Variants in CDC42BPB observed in about 807,000 individuals in gnomAD.
CDC42BPB encodes the protein serine/threonine-protein kinase MRCK beta.
In CDC42BPB, 37 loss-of-function variants were observed where a neutral mutation model predicts 214.9. That is an observed-to-expected ratio of 0.17 (90% confidence interval 0.13 to 0.23). The LOEUF is 0.23. Among genes scored for constraint, CDC42BPB ranks in the 10% least tolerant of loss-of-function variants. The probability of loss-of-function intolerance (pLI) is 1.00; values close to 1 mark genes in which losing one functional copy is unlikely to be tolerated. For synonymous variants in CDC42BPB, 931 were observed against 884.0 expected, an observed-to-expected ratio of 1.05 and a Z score of -0.94; for missense variants, 1,694 against 2,227.0, an observed-to-expected ratio of 0.76 and a Z score of 4.82.
At chr14:103,017,607 A>G (rs1013296139) in intron 1 of CDC42BPB, among the ~76,000 whole-genome samples, 6 of 152,124 alleles carry the variant, frequency 3.9e-5, no homozygotes, top group African/African-American at 7.2e-5. Flanking sequence ...TTTTCCTGCA[A>G]AGATCCACAA....
At position 102,973,852 on chromosome 14, in the gene CDC42BPB, G is replaced by T. The variant is rs542552570; in HGVS notation, c.1641+164C>A. ...CGCGGGGGCTGTGCAGCAGGCAGGC[G>T]TGGCAGGGGCCCCGGGGCCAGGCTT... On this transcript the variant is annotated intron_variant, in intron 12 of 36. Transcript: ENST00000361246. Among the ~76,000 whole-genome samples, 35 of 152,362 alleles carry T rather than the reference G, an allele frequency of 2.3e-4. 1 individual carries two copies. The South Asian group carries it at 7.0e-3, about 31-fold the overall frequency.
chr14:102,980,769 T>C lies in CDC42BPB; in HGVS notation c.1140+4A>G. 6.2e-7 allele frequency: 1 copy of C among 1,613,648 alleles called. No homozygotes were observed. Among genetic ancestry groups the C allele is most frequent in the Non-Finnish European group, 8.5e-7 (1 of 1,179,574 alleles). On this transcript the variant is annotated splice_donor_region_variant and intron_variant, in intron 8 of 36. Transcript: ENST00000361246. ...AACCCTGAGAACGGTGCTTTCACAC[T>C]CACCGTGTTTCTCAGCACGTCGTCA... is the stretch of plus-strand genomic sequence containing the variant.
intron 30 of CDC42BPB, among the ~76,000 whole-genome samples, chr14:102,942,175 C>T (rs143731496): frequency 1.3e-3 from 205 of 152,324 alleles, no homozygotes; most frequent in African/African-American, 4.7e-3. Flanking sequence ...GCTGAGGCAG[C>T]GGGACTGGCC....
At chr14:103,018,268 G>A (rs991335672) in intron 1 of CDC42BPB, among the ~76,000 whole-genome samples, 1 of 152,180 alleles carries the variant, frequency 6.6e-6, no homozygotes, top group Non-Finnish European at 1.5e-5. Flanking sequence ...CTGGGGGTTG[G>A]GGATCCCTGT....
At chr14:103,014,389 G>C (rs1886341886) in intron 1 of CDC42BPB, among the ~76,000 whole-genome samples, 1 of 151,366 alleles carries the variant, frequency 6.6e-6, no homozygotes, top group Admixed American at 6.6e-5. Flanking sequence ...TTTATGCTAG[G>C]TTTTTTTTTG....
chr14:102,978,464 G>A (rs1893855900), intron 8 of CDC42BPB: 1 of 335,052 alleles, frequency 3.0e-6, no homozygotes, highest in Non-Finnish European at 4.2e-6. Flanking sequence ...GGCACAGGCC[G>A]TCACCAGGTT....
Position 102,961,762 on chromosome 14 carries a change from C to T in CDC42BPB, c.2821+1299G>A, listed in dbSNP as rs141916564. Among the ~76,000 whole-genome samples, 1,253 of 152,270 alleles carry T rather than the reference C, an allele frequency of 8.2e-3. 19 individuals are homozygous for T. The highest frequency in any genetic ancestry group is 0.029 in the African/African-American group (1,205 of 41,546). On this transcript the variant is annotated intron_variant, in intron 20 of 36. Transcript: ENST00000361246. ...TTCTCCATGTTGGTCAGGCTGGTCT[C>T]GAACTCCAGACCTCAGGTGATCCGC...
intron 1 of CDC42BPB, among the ~76,000 whole-genome samples, chr14:103,013,735 C>G (rs1000018391): frequency 2.6e-5 from 4 of 152,244 alleles, no homozygotes; most frequent in African/African-American, 7.2e-5. Context: ...CCCCCAGAAG[C>G]TGAGCGTTCC....
At chr14:102,956,144 A>C (rs921853302) in intron 21 of CDC42BPB, 1 of 152,242 alleles carries the variant, frequency 6.6e-6, no homozygotes, top group Non-Finnish European at 1.5e-5. Context: ...TTGGTTAATT[A>C]ATCAAAGGGA....
Position 102,971,983 on chromosome 14 carries a change from A to C in CDC42BPB, c.1820T>G (p.Val607Gly). The C allele has an allele frequency of 6.2e-7, 1 of 1,613,846 alleles. No homozygotes were observed. Among genetic ancestry groups the C allele is most frequent in the East Asian group, 2.2e-5 (1 of 44,862 alleles). Residue 607 changes from valine (V) to glycine (G), a missense_variant, in exon 13 of 37, where the codon GTG becomes GGG. Val to Gly is a moderately radical substitution (Grantham distance 109). Transcript: ENST00000361246. ...CATGGCGTCCACCTTCTGCGTGGCC[A>C]CCTCCATCTCCTCCTCCTTGTCTCG... is the stretch of plus-strand genomic sequence containing the variant. ...QLRDKEEEME[V>G]ATQKVDAMRQ...
chr14:103,053,138 A>G (rs975497959), intron 1 of CDC42BPB, among the ~76,000 whole-genome samples: 12 of 151,936 alleles, frequency 7.9e-5, no homozygotes, highest in Non-Finnish European at 1.5e-4. Flanking sequence ...TCACGAGGTC[A>G]GGACTTTAAG....
chr14:102,975,634 CAG>C, intron 11 of CDC42BPB, 48 bp downstream of exon 11: 5 of 1,576,210 alleles, frequency 3.2e-6, no homozygotes, highest in Non-Finnish European at 4.4e-6. Flanking sequence ...CCTTTTAAGA[CAG>C]TAATGACCAA....
Position 103,057,038 on chromosome 14 carries a change from G to A in CDC42BPB, c.136C>T (p.Leu46=), listed in dbSNP as rs761737059. Residue 46 remains leucine, a synonymous_variant, in exon 1 of 37, where the codon CTG becomes TTG. Transcript: ENST00000361246. ...TCGGCCACGTACTTGTCGCGGCGCA[G>A]GGCCGAGTGGCTGCACTCGGTGTAC... is the stretch of plus-strand genomic sequence containing the variant. The part of the protein sequence containing the change: ...CLYTECSHSA[L]RRDKYVAEFL... 10 of 1,516,560 alleles carry A rather than the reference G, an allele frequency of 6.6e-6. No homozygotes were observed. Among genetic ancestry groups the A allele is most frequent in the Middle Eastern group, 1.7e-4 (1 of 5,900 alleles). 93.9% of individuals were successfully genotyped at this position (1,516,560 alleles called of 1,614,324 possible). A position where few individuals can be genotyped will look rare whatever the true frequency, so the allele number is the denominator to read the frequency against.
chr14:102,980,863 T>G lies in CDC42BPB; in HGVS notation c.1050A>C (p.Ile350=), dbSNP rs1415557983. 6.2e-7 allele frequency: 1 copy of G among 1,614,214 alleles called. No individual in the cohort carries two copies. Among genetic ancestry groups the G allele is most frequent in the Non-Finnish European group, 8.5e-7 (1 of 1,180,042 alleles). ...AFFEGLNWEN[I]RNLEAPYIPD... ...GAATATAAGGTGCTTCTAGGTTTCG[T>G]ATATTTTCCCAATTTAGACCTTCAA... is the stretch of plus-strand genomic sequence containing the variant. The change falls in exon 8 of 37, where the codon ATA becomes ATC. Residue 350 remains isoleucine (I), a synonymous_variant. Coordinates refer to ENST00000361246, the MANE Select transcript of CDC42BPB (RefSeq NM_006035.4).
intron 1 of CDC42BPB, among the ~76,000 whole-genome samples, chr14:103,049,547 G>A: frequency 6.6e-6 from 1 of 152,250 alleles, no homozygotes; most frequent in East Asian, 1.9e-4. Flanking sequence ...TCTGTGGGAA[G>A]TTGGAGCGCG....
intron 1 of CDC42BPB, among the ~76,000 whole-genome samples, chr14:103,013,849 G>GA (rs1167250928): frequency 6.6e-6 from 1 of 152,110 alleles, no homozygotes; most frequent in Non-Finnish European, 1.5e-5. Flanking sequence ...CCACTTTGTG[G>GA]CAACTGGTTA....
intron 12 of CDC42BPB, chr14:102,972,399 C>T (rs1296213582): frequency 2.2e-6 from 2 of 917,272 alleles, no homozygotes; most frequent in Non-Finnish European, 2.6e-6. Context: ...CAAGAAAGGC[C>T]CCACAGGCCG....
At position 102,946,455 on chromosome 14, in the gene CDC42BPB, CT is replaced by C; in HGVS notation, c.3748+12del. Reference sequence around the variant, plus strand: ...GCTTCAGACACCTGAAGGACACAACCTTTGGGACGTACCCACGATGGCAGCT... The same window carrying C: ...GCTTCAGACACCTGAAGGACACAACCTTGGGACGTACCCACGATGGCAGCT... On this transcript the variant is annotated intron_variant, in intron 28 of 36. Transcript: ENST00000361246. 6.2e-7 allele frequency: 1 copy of C among 1,612,336 alleles called. No homozygotes were observed. Among genetic ancestry groups the C allele is most frequent in the Non-Finnish European group, 8.5e-7 (1 of 1,179,906 alleles).
rs562034831 is a variant in CDC42BPB at position 102,943,475 on chromosome 14, G to T, written c.4408+416C>A. Among the ~76,000 whole-genome samples, 6 of 152,208 alleles carry T rather than the reference G, an allele frequency of 3.9e-5. No individual in the cohort carries two copies. The South Asian group carries it at 1.0e-3, about 26-fold the overall frequency. Reference sequence around the variant, plus strand: ...GACTGTAACTTAAGACACCAGAGGTGAATTATTTTCTGGCCACCAAAACCC... The same window carrying T: ...GACTGTAACTTAAGACACCAGAGGTTAATTATTTTCTGGCCACCAAAACCC... On this transcript the variant is annotated intron_variant, in intron 30 of 36. Coordinates refer to ENST00000361246, the MANE Select transcript of CDC42BPB (RefSeq NM_006035.4). This position sits in a 1 kb window ranked among gnomAD's most constrained non-coding sequence, Gnocchi z 4.6.
Sources: allele counts gnomAD v4.1 joint callset (sites outside exome capture counted in the v4.1 genomes callset), GRCh38; gene constraint gnomAD v4.1.1; non-coding constraint Gnocchi (gnomAD v3.1); transcripts MANE v1.5; gene names NCBI Gene and HGNC (gene_info 2026-07-23, HGNC 2026-07-21).